ZNF521: variants seen among roughly 807,000 people sequenced by gnomAD.
ZNF521 encodes LYST-interacting protein 3.
Under a neutral mutation model 105.5 loss-of-function variants are expected in ZNF521, and 14 were observed. The observed-to-expected ratio is 0.13, with a 90% CI of 0.09 to 0.21. The LOEUF (loss-of-function observed/expected upper bound fraction) is 0.21. ZNF521 is among the 10% of genes least tolerant of loss of function. The pLI is 1.00. For synonymous variants in ZNF521, 635 were observed against 606.0 expected (o/e 1.05, Z -0.70); for missense variants, 1,233 against 1,629.7 (o/e 0.76, Z 4.19).
intron 3 of ZNF521, among the ~76,000 whole-genome samples, chr18:25,287,162 C>T (rs758722686): frequency 5.3e-5 from 8 of 152,156 alleles, no homozygotes; most frequent in Admixed American, 5.2e-4. Context: ...TTGGTAAAAA[C>T]GTGGCCTCAA....
intron 3 of ZNF521, among the ~76,000 whole-genome samples, chr18:25,245,188 A>T (rs563671252): frequency 6.6e-6 from 1 of 152,338 alleles, no homozygotes; most frequent in South Asian, 2.1e-4. Context: ...TTTTGTTGTG[A>T]GTCATCAATG....
chr18:25,192,431 C>A (rs1025664038), intron 5 of ZNF521, among the ~76,000 whole-genome samples: 19 of 152,052 alleles, frequency 1.2e-4, no homozygotes, highest in African/African-American at 3.9e-4. Context: ...ACTGAGATTG[C>A]ACACAAACAT....
At chr18:25,124,300 C>G (rs1215421446) in intron 5 of ZNF521, among the ~76,000 whole-genome samples, 1 of 151,964 alleles carries the variant, frequency 6.6e-6, no homozygotes, top group Non-Finnish European at 1.5e-5. Flanking sequence ...AAGTAACTAC[C>G]CTAATTTTGT....
chr18:25,076,223 T>C (rs965428840), intron 7 of ZNF521, among the ~76,000 whole-genome samples: 2 of 152,186 alleles, frequency 1.3e-5, no homozygotes, highest in Non-Finnish European at 2.9e-5. Flanking sequence ...TAAGAGGAAA[T>C]GGCCTTAGGG....
intron 5 of ZNF521, among the ~76,000 whole-genome samples, chr18:25,120,925 G>C (rs1422175251): frequency 3.9e-5 from 6 of 152,084 alleles, no homozygotes; most frequent in African/African-American, 1.4e-4. Flanking sequence ...TAGACCTGCT[G>C]TTCAGGAAGG....
intron 5 of ZNF521, among the ~76,000 whole-genome samples, chr18:25,155,732 T>C (rs767432298): frequency 6.6e-6 from 1 of 152,138 alleles, no homozygotes; most frequent in Non-Finnish European, 1.5e-5. Context: ...TGTCCATATA[T>C]GTTTGGATGT....
At chr18:25,183,096 G>A (rs1257730336) in intron 5 of ZNF521, among the ~76,000 whole-genome samples, 2 of 152,036 alleles carry the variant, frequency 1.3e-5, no homozygotes, top group African/African-American at 4.8e-5. Context: ...TTATCCATGT[G>A]TACAACAATA....
At chr18:25,258,656 G>T (rs1908685824) in intron 3 of ZNF521, among the ~76,000 whole-genome samples, 1 of 152,144 alleles carries the variant, frequency 6.6e-6, no homozygotes. Flanking sequence ...AGATGAGCTT[G>T]TTGACCCACC....
At chr18:25,221,612 C>T (rs1905732219) in intron 4 of ZNF521, among the ~76,000 whole-genome samples, 1 of 152,144 alleles carries the variant, frequency 6.6e-6, no homozygotes, top group South Asian at 2.1e-4. Context: ...TTGCTAAGTC[C>T]TTCAATTGCT....
intron 3 of ZNF521, among the ~76,000 whole-genome samples, chr18:25,284,875 A>G (rs1402813300): frequency 6.6e-6 from 1 of 151,484 alleles, no homozygotes. Context: ...TTCTAGTGAG[A>G]GAGACTACAC....
Position 25,224,681 on chromosome 18 carries a change from A to C in ZNF521, c.3237T>G (p.Asp1079Glu). 6.2e-7 allele frequency: 1 copy of C among 1,613,994 alleles called. No individual in the cohort carries two copies. The highest frequency in any genetic ancestry group is 8.5e-7 in the Non-Finnish European group (1 of 1,179,992). ...GGCCATTGATATCAAGTTTCACCAG[A>C]TCTTGCTTGGAACGGAATTCTTTGA... Reference protein sequence around the residue: ...SCLKEFRSKQDLVKLDINGLP... With the variant: ...SCLKEFRSKQELVKLDINGLP... Residue 1079 changes from aspartate (D) to glutamate (E), a missense_variant, in exon 4 of 8, where the codon GAT (aspartate) becomes GAG (glutamate). By Grantham distance (45) the Asp-to-Glu change is conservative. Coordinates refer to ENST00000361524, the MANE Select transcript of ZNF521 (RefSeq NM_015461.3).
intron 5 of ZNF521, among the ~76,000 whole-genome samples, chr18:25,150,403 C>A (rs4506987): frequency 6.6e-6 from 1 of 152,000 alleles, no homozygotes; most frequent in African/African-American, 2.4e-5. Flanking sequence ...CGTAACCAAA[C>A]ACCACCTGTT....
intron 4 of ZNF521, among the ~76,000 whole-genome samples, chr18:25,199,365 G>C (rs1000882203): frequency 2.0e-5 from 3 of 151,806 alleles, no homozygotes; most frequent in East Asian, 3.9e-4. Context: ...TCCTGATTTG[G>C]GGGGAGGGGG....
chr18:25,108,274 C>A (rs2034113357), intron 5 of ZNF521, among the ~76,000 whole-genome samples: 1 of 152,012 alleles, frequency 6.6e-6, no homozygotes. Flanking sequence ...CTGAAAATTG[C>A]ATTTTTTCAA....
At chr18:25,251,040 C>G (rs1203368058) in intron 3 of ZNF521, among the ~76,000 whole-genome samples, 1 of 152,130 alleles carries the variant, frequency 6.6e-6, no homozygotes, top group Non-Finnish European at 1.5e-5. Context: ...CTTGGGTTTT[C>G]TAAAATAAAA....
At chr18:25,124,293 T>A (rs1458497715) in intron 5 of ZNF521, among the ~76,000 whole-genome samples, 1 of 152,080 alleles carries the variant, frequency 6.6e-6, no homozygotes, top group African/African-American at 2.4e-5. Flanking sequence ...AGAACTAAAG[T>A]AACTACCCTA....
At chr18:25,184,690 A>G (rs755549935) in intron 5 of ZNF521, among the ~76,000 whole-genome samples, 9 of 152,184 alleles carry the variant, frequency 5.9e-5, no homozygotes, top group Non-Finnish European at 1.3e-4. Context: ...AAGACTTGAT[A>G]GTTCTATTGA....
chr18:25,304,336 C>T (rs1911845854), intron 3 of ZNF521, among the ~76,000 whole-genome samples: 1 of 152,214 alleles, frequency 6.6e-6, no homozygotes, highest in African/African-American at 2.4e-5. Context: ...ACCTAACTCA[C>T]TTCCCAACAG....
intron 4 of ZNF521, among the ~76,000 whole-genome samples, chr18:25,212,318 T>TG (rs1282864697): frequency 6.6e-6 from 1 of 151,050 alleles, no homozygotes; most frequent in African/African-American, 2.4e-5. Context: ...GAGACCAGCC[T>TG]GGCCAACATA....
Sources: allele counts gnomAD v4.1 joint callset (sites outside exome capture counted in the v4.1 genomes callset), GRCh38; gene constraint gnomAD v4.1.1; transcripts MANE v1.5; gene names NCBI Gene and HGNC (gene_info 2026-07-23, HGNC 2026-07-21).